GLIS3: variants seen among roughly 807,000 people sequenced by gnomAD.
GLIS3 encodes the protein zinc finger protein GLIS3.
A neutral mutation model predicts 78.6 loss-of-function variants in GLIS3; 53 were observed. That is an observed-to-expected ratio of 0.67 (90% CI 0.54 to 0.85). The LOEUF is 0.85. GLIS3 is among the 40% of genes least tolerant of loss of function. The pLI is 0.00. For synonymous variants in GLIS3, 684 were observed against 509.9 expected (o/e 1.34, Z -4.60); for missense variants, 1,703 against 1,231.1 (o/e 1.38, Z -5.74).
the GLIS3 span, among the ~76,000 whole-genome samples, chr9:4,452,404 G>A: frequency 6.6e-6 from 1 of 152,176 alleles, no homozygotes; most frequent in Non-Finnish European, 1.5e-5. Context: ...CAGATGACAT[G>A]ATTGTATATT....
At chr9:4,190,302 T>C (rs1323272851) in intron 2 of GLIS3, among the ~76,000 whole-genome samples, 1 of 152,066 alleles carries the variant, frequency 6.6e-6, no homozygotes, top group East Asian at 1.9e-4. Flanking sequence ...TAGACGAATG[T>C]ATAACTAGAA....
At chr9:4,426,317 C>G in the GLIS3 span, among the ~76,000 whole-genome samples, 1 of 152,188 alleles carries the variant, frequency 6.6e-6, no homozygotes, top group African/African-American at 2.4e-5. Context: ...CTTGTCTCTT[C>G]CCCACCTCCT....
chr9:3,871,123 G>A (rs1820942481), intron 8 of GLIS3, among the ~76,000 whole-genome samples: 1 of 152,206 alleles, frequency 6.6e-6, no homozygotes, highest in Non-Finnish European at 1.5e-5. Context: ...GCTCCAAAAT[G>A]ATCTCCTTTG....
chr9:3,842,738 G>C (rs1318817911), intron 9 of GLIS3, among the ~76,000 whole-genome samples: 4 of 152,136 alleles, frequency 2.6e-5, no homozygotes, highest in African/African-American at 7.2e-5. Flanking sequence ...TATTTAATAA[G>C]GTATTTCTTA....
At chr9:4,333,361 G>T (rs189454153) in intron 2 of GLIS3, among the ~76,000 whole-genome samples, 1 of 145,594 alleles carries the variant, frequency 6.9e-6, no homozygotes, top group East Asian at 2.0e-4. Context: ...AAGGAAGGAA[G>T]GAAAAAGGGA....
At chr9:3,945,496 C>G (rs113079500) in intron 4 of GLIS3, among the ~76,000 whole-genome samples, 222 of 152,250 alleles carry the variant, frequency 1.5e-3, no homozygotes, top group African/African-American at 5.1e-3. Flanking sequence ...TGGTTTTCAT[C>G]TTACCTTTCC....
At chr9:4,109,308 A>G (rs1369091766) in intron 4 of GLIS3, among the ~76,000 whole-genome samples, 3 of 152,232 alleles carry the variant, frequency 2.0e-5, no homozygotes, top group Non-Finnish European at 2.9e-5. Flanking sequence ...CTACTCATAC[A>G]CAGGATAATG....
the GLIS3 span, among the ~76,000 whole-genome samples, chr9:4,391,413 A>G: frequency 5.3e-5 from 8 of 152,292 alleles, no homozygotes; most frequent in African/African-American, 1.9e-4. Flanking sequence ...TTTTGGATTA[A>G]TAACAGTAGA....
At chr9:4,248,417 C>T (rs1424681402) in intron 2 of GLIS3, among the ~76,000 whole-genome samples, 1 of 152,170 alleles carries the variant, frequency 6.6e-6, no homozygotes, top group Non-Finnish European at 1.5e-5. Context: ...AGGACATGAA[C>T]TCAATTCTTT....
intron 7 of GLIS3, among the ~76,000 whole-genome samples, chr9:3,889,215 T>TAA (rs1201351611): frequency 6.6e-6 from 1 of 152,184 alleles, no homozygotes; most frequent in Non-Finnish European, 1.5e-5. Context: ...AGTTTCTTCC[T>TAA]AAGTGAGAGC....
intron 2 of GLIS3, among the ~76,000 whole-genome samples, chr9:4,321,633 C>G (rs1453197986): frequency 8.4e-6 from 1 of 118,480 alleles, no homozygotes; most frequent in Non-Finnish European, 1.6e-5. Flanking sequence ...TTACATGTCT[C>G]TTTGTGAACC....
At chr9:4,120,880 G>A (rs774150904) in intron 3 of GLIS3, among the ~76,000 whole-genome samples, 7 of 152,126 alleles carry the variant, frequency 4.6e-5, no homozygotes, top group African/African-American at 9.7e-5. Flanking sequence ...GTATTATTTG[G>A]TTTCAGGGCA....
chr9:4,397,694 G>A, the GLIS3 span, among the ~76,000 whole-genome samples: 56 of 5,446 alleles, frequency 0.01, no homozygotes, highest in East Asian at 0.067. Flanking sequence ...GGGAGGGAGG[G>A]AGGGAGGGAG....
intron 4 of GLIS3, among the ~76,000 whole-genome samples, chr9:4,089,989 T>A (rs577445043): frequency 1.3e-5 from 2 of 152,330 alleles, no homozygotes; most frequent in Admixed American, 1.3e-4. Flanking sequence ...AGGGGTGCAA[T>A]GTCCAGAACT....
chr9:4,344,941 T>A (rs989969934), intron 2 of GLIS3, among the ~76,000 whole-genome samples: 2 of 152,216 alleles, frequency 1.3e-5, no homozygotes, highest in African/African-American at 2.4e-5. Context: ...ACCACTGCAC[T>A]CCATTCCAAG....
In GLIS3 at chr9:4,286,112, C is replaced by T. The variant is rs1412123381; in HGVS notation, c.314G>A (p.Gly105Asp). 1 of 1,613,420 alleles carries T rather than the reference C, an allele frequency of 6.2e-7. No homozygotes were observed. Among genetic ancestry groups the T allele is most frequent in the African/African-American group, 1.3e-5 (1 of 75,046 alleles). Residue 105 changes from glycine (G) to aspartate (D), a missense_variant, in exon 2 of 11, where the codon GGC (glycine) becomes GAC (aspartate). By Grantham distance (94) the Gly-to-Asp change is moderately conservative. Transcript: ENST00000381971. ...CTTTAAAGTATGTGACCCTGACATG[C>T]CTCCAGCCTGGGTGACCTGGAATCG... ...KPRFQVTQAG[G>D]MSGSHTLKPK...
At chr9:4,395,756 C>CATTTTCT in the GLIS3 span, among the ~76,000 whole-genome samples, 1 of 149,172 alleles carries the variant, frequency 6.7e-6, no homozygotes, top group Admixed American at 6.6e-5. Context: ...AATTGGTCAC[C>CATTTTCT]ATTTTCTTTT....
At chr9:4,305,513 G>C (rs1238713101) in intron 4 of GLIS3, 2 of 152,234 alleles carry the variant, frequency 1.3e-5, no homozygotes, top group African/African-American at 4.8e-5. Flanking sequence ...TCCACTGATG[G>C]GCTCGATGAT....
At chr9:3,970,057 A>C (rs1818267460) in intron 4 of GLIS3, among the ~76,000 whole-genome samples, 2 of 152,250 alleles carry the variant, frequency 1.3e-5, no homozygotes, top group Admixed American at 1.3e-4. Flanking sequence ...CCAGGAAGTC[A>C]GTAATTTAGT....
Sources: allele counts gnomAD v4.1 joint callset (sites outside exome capture counted in the v4.1 genomes callset), GRCh38; gene constraint gnomAD v4.1.1; transcripts MANE v1.5; gene names NCBI Gene and HGNC (gene_info 2026-07-23, HGNC 2026-07-21).